HELB: variants seen among roughly 807,000 people sequenced by gnomAD.
The protein encoded by HELB is DNA 5'-3' helicase B.
Under a neutral mutation model 101.7 loss-of-function variants are expected in HELB, and 96 were observed. The ratio of observed to expected loss-of-function variants is 0.94; its 90% CI spans 0.80 to 1.12. HELB has a LOEUF of 1.12. Ranked by LOEUF, HELB falls within the 50% of genes most tolerant of loss-of-function variation. The probability of loss-of-function intolerance (pLI) is 0.00; values close to 1 mark genes in which losing one functional copy is unlikely to be tolerated. For missense variants in HELB, 1,210 were observed against 1,291.9 expected, an observed-to-expected ratio of 0.94 and a Z score of 0.97; for synonymous variants, 437 against 459.7, an observed-to-expected ratio of 0.95 and a Z score of 0.63.
chr12:66,310,829 G>A (rs1253748257), intron 4 of HELB, among the ~76,000 whole-genome samples: 1 of 152,128 alleles, frequency 6.6e-6, no homozygotes, highest in African/African-American at 2.4e-5. Context: ...TACTCGGGAG[G>A]CTGAGTCAGG....
intron 12 of HELB, among the ~76,000 whole-genome samples, chr12:66,337,780 C>A (rs572898583): frequency 6.6e-6 from 1 of 152,154 alleles, no homozygotes; most frequent in South Asian, 2.1e-4. Flanking sequence ...ATAGTTACTT[C>A]TAAATGCCAG....
At position 66,302,541 on chromosome 12, in the gene HELB, T is replaced by C. The variant is rs759690668; in HGVS notation, c.-63T>C. ...CCTTACAGTCGTAGAACTGATTGGC[T>C]GATCATGACCATGCAGTTAGCCAGG... On this transcript the variant is annotated 5_prime_UTR_variant, in exon 1 of 13. Transcript: ENST00000247815. The C allele has an allele frequency of 1.3e-5, 20 of 1,491,812 alleles. No individual in the cohort carries two copies. Among genetic ancestry groups the C allele is most frequent in the Non-Finnish European group, 1.8e-5 (19 of 1,081,894 alleles). The allele number at this position is 1,491,812 out of a possible 1,614,324, so 92.4% of individuals were successfully genotyped here.
At position 66,331,175 on chromosome 12, in the gene HELB, G is replaced by A; in HGVS notation, c.2692G>A (p.Val898Ile). 6.2e-7 allele frequency: 1 copy of A among 1,609,610 alleles called. No homozygotes were observed. The highest frequency in any genetic ancestry group is 8.5e-7 in the Non-Finnish European group (1 of 1,176,798). The change falls in exon 12 of 13, where the codon GTC becomes ATC. Residue 898 changes from valine to isoleucine, a missense_variant. Physicochemically the swap from Val to Ile is conservative, Grantham distance 29. Coordinates refer to ENST00000247815, the MANE Select transcript of HELB (RefSeq NM_001370285.1). ...TFQGSEEQTV[V>I]YVVGKAGRQH... ...CCAGGGGTCCGAGGAGCAAACAGTT[G>A]TCTATGTGGTGGGGAAGGCGGGCCG... is the stretch of plus-strand genomic sequence containing the variant.
rs574972143 is a variant in HELB at position 66,304,778 on chromosome 12, C to A, written c.235C>A (p.Arg79Ser). ...ACAAGAGACATGTAAAGTGTTTGGACGTTTTCCGATAACAGGTGCTTGGTG... is the reference window on the plus strand; with the variant it reads ...ACAAGAGACATGTAAAGTGTTTGGAAGTTTTCCGATAACAGGTGCTTGGTG... ...NTQETCKVFG[R>S]FPITGAWWRV... is the part of the protein sequence containing the mutation. The change falls in exon 2 of 13, where the codon CGT (arginine) becomes AGT (serine). Residue 79 changes from arginine to serine, a missense_variant. Arg to Ser is a moderately radical substitution (Grantham distance 110). Around this residue, in one of 2 missense-constraint regions of HELB, gnomAD observed 470 missense variants for 563.1 expected, o/e 0.83. Transcript: ENST00000247815. The A allele has an allele frequency of 3.7e-6, 6 of 1,613,738 alleles. No individual in the cohort carries two copies. Among genetic ancestry groups the A allele is most frequent in the East Asian group, 4.5e-5 (2 of 44,868 alleles).
Position 66,302,724 on chromosome 12 carries a change from T to C in HELB, c.121T>C (p.Phe41Leu). The stretch of plus-strand genomic sequence containing the variant: ...CGTGGAGGAGGATGAAGAGTCCGTG[T>C]TCATCGACGCCGAGGAGCTCTGCAG... ...DDVEEDEESV[F>L]IDAEELCSGG... The change falls in exon 1 of 13, where the codon TTC (phenylalanine) becomes CTC (leucine). Residue 41 changes from phenylalanine (F) to leucine (L), a missense_variant. By Grantham distance (22) the Phe-to-Leu change is conservative. This residue lies in a region of HELB where 470 missense variants were observed against 563.1 expected (regional missense o/e 0.83). Coordinates refer to ENST00000247815, the MANE Select transcript of HELB (RefSeq NM_001370285.1). 3 of 1,614,094 alleles carry C rather than the reference T, an allele frequency of 1.9e-6. No homozygotes were observed. The highest frequency in any genetic ancestry group is 2.5e-6 in the Non-Finnish European group (3 of 1,179,974).
At chr12:66,315,480 ACACCTT>A in intron 6 of HELB, 97 bp downstream of exon 6, 1 of 848,886 alleles carries the variant, frequency 1.2e-6, no homozygotes, top group Non-Finnish European at 1.6e-6. Context: ...TACATTAACT[ACACCTT>A]TTAGCAAAAC....
At chr12:66,306,051 G>C (rs1161088010) in intron 2 of HELB, among the ~76,000 whole-genome samples, 1 of 152,064 alleles carries the variant, frequency 6.6e-6, no homozygotes, top group Non-Finnish European at 1.5e-5. Flanking sequence ...TTATATAATT[G>C]AGTCAGAATT....
rs2053531387 is a variant in HELB, at chr12:66,310,533, G to A, written c.1605G>A (p.Leu535=). Residue 535 remains leucine (L), a synonymous_variant, in exon 4 of 13, where the codon TTG becomes TTA. Coordinates refer to ENST00000247815, the MANE Select transcript of HELB (RefSeq NM_001370285.1). ...QLEADKAIEV[L]LTAPTGKAAG... is the part of the protein sequence containing the mutation. ...AGGCGGACAAGGCTATAGAAGTTTT[G>A]CTCACAGCACCTACAGGGAAAGCAG... 1 of 1,614,098 alleles carries A rather than the reference G, an allele frequency of 6.2e-7. No individual in the cohort carries two copies. The highest frequency in any genetic ancestry group is 8.5e-7 in the Non-Finnish European group (1 of 1,180,040).
chr12:66,316,719 A>G (rs2053609834), intron 6 of HELB, among the ~76,000 whole-genome samples: 1 of 151,946 alleles, frequency 6.6e-6, no homozygotes. Context: ...CCCCATCTCT[A>G]TTAAAAATAC....
At position 66,331,420 on chromosome 12, in the gene HELB, C is replaced by T. The variant is rs766944129; in HGVS notation, c.2937C>T (p.Ser979=). Residue 979 remains serine (S), a synonymous_variant, in exon 12 of 13, where the codon AGC becomes AGT. Transcript: ENST00000247815. ...GCTCTGGAGACAGTGGAGGACCCAG[C>T]ACACCGTCAGCATCTCCACTCCCTG... ...RKSSGDSGGP[S]TPSASPLPVV... 1.9e-6 allele frequency: 3 copies of T among 1,614,216 alleles called. No individual in the cohort carries two copies. The African/African-American group carries it at 4.0e-5, about 22-fold the overall frequency.
rs58589183 is a variant in HELB, at chr12:66,314,028, A to G, written c.1723A>G (p.Thr575Ala). The G allele has an allele frequency of 1.2e-3, 1,901 of 1,613,932 alleles. 16 individuals carry two copies. In the African/African-American group the frequency reaches 0.022, roughly 19 times the overall value. Residue 575 changes from threonine to alanine, a missense_variant, in exon 5 of 13, where the codon ACA (threonine) becomes GCA (alanine). Coordinates refer to ENST00000247815, the MANE Select transcript of HELB (RefSeq NM_001370285.1). ...TTCATGGACTCAAACAATGATGACC[A>G]CAAACAAACCATGGAAATTTTCTTC... ...FYSWTQTMMT[T>A]NKPWKFSSVR... is the part of the protein sequence containing the mutation.
At chr12:66,326,868 A>G (rs2053744905) in intron 11 of HELB, among the ~76,000 whole-genome samples, 1 of 150,082 alleles carries the variant, frequency 6.7e-6, no homozygotes, top group Non-Finnish European at 1.5e-5. Context: ...CCCCATCTCT[A>G]CTAAAAAATA....
rs2053720844 is a variant in HELB, at chr12:66,325,101, G to A, written c.2645G>A (p.Trp882Ter). Residue 882 changes from tryptophan (W) to a stop codon, truncating the protein, a stop_gained, in exon 11 of 13, where the codon TGG becomes TAG. Transcript: ENST00000247815. LOFTEE classifies it high-confidence loss of function. The stretch of plus-strand genomic sequence containing the variant: ...AAATATTGTCGCATAAAACATGCAT[G>A]GGCAAGAACTATTCACACTTTTCAG... ...LMKYCRIKHA[W>*]ARTIHTFQGS... 1 of 1,611,010 alleles carries A rather than the reference G, an allele frequency of 6.2e-7. No homozygotes were observed. Among genetic ancestry groups the A allele is most frequent in the African/African-American group, 1.3e-5 (1 of 74,838 alleles).
intron 7 of HELB, among the ~76,000 whole-genome samples, chr12:66,319,971 A>G (rs1213571772): frequency 1.3e-5 from 2 of 151,376 alleles, no homozygotes; most frequent in South Asian, 4.2e-4. Flanking sequence ...ATACAATACA[A>G]TAGATAAAGC....
chr12:66,334,178 C>T (rs1295103686), intron 12 of HELB, among the ~76,000 whole-genome samples: 2 of 148,170 alleles, frequency 1.3e-5, no homozygotes, highest in East Asian at 4.1e-4. Context: ...AACCACAATC[C>T]CTGCTGGGTG....
rs1298623418 is a variant in HELB at position 66,331,443 on chromosome 12, C to G, written c.2960C>G (p.Pro987Arg). 6.2e-7 allele frequency: 1 copy of G among 1,614,244 alleles called. No homozygotes were observed. The highest frequency in any genetic ancestry group is 1.7e-5 in the Admixed American group (1 of 60,032). ...GPSTPSASPL[P>R]VVTDHAMTND... Reference sequence around the variant, plus strand: ...AGCACACCGTCAGCATCTCCACTCCCTGTAGTCACAGACCACGCCATGACA... The same window carrying G: ...AGCACACCGTCAGCATCTCCACTCCGTGTAGTCACAGACCACGCCATGACA... The change falls in exon 12 of 13, where the codon CCT (proline) becomes CGT (arginine). Residue 987 changes from proline (P) to arginine (R), a missense_variant. Pro to Arg is a moderately radical substitution (Grantham distance 103). Around this residue, in one of 2 missense-constraint regions of HELB, gnomAD observed 740 missense variants for 728.8 expected, o/e 1.02. Transcript: ENST00000247815.
chr12:66,313,986 G>A lies in HELB; in HGVS notation c.1681G>A (p.Val561Ile), dbSNP rs1379150365. 2 of 1,613,154 alleles carry A rather than the reference G, an allele frequency of 1.2e-6. No homozygotes were observed. The highest frequency in any genetic ancestry group is 1.7e-6 in the Non-Finnish European group (2 of 1,179,436). The part of the protein sequence containing the change: ...TGLHAYTLCQ[V>I]NYSFYSWTQT... ...TAGGAATGCCATACTTTGCTTGTAG[G>A]TCAATTATAGCTTCTATTCATGGAC... The change falls in exon 5 of 13, where the codon GTC becomes ATC. Residue 561 changes from valine (V) to isoleucine (I), a missense_variant and splice_region_variant. Physicochemically the swap from Val to Ile is conservative, Grantham distance 29 (BLOSUM62 3). Transcript: ENST00000247815.
chr12:66,304,157 G>A (rs764617815), intron 1 of HELB, among the ~76,000 whole-genome samples: 6 of 152,178 alleles, frequency 3.9e-5, no homozygotes, highest in Non-Finnish European at 8.8e-5. Flanking sequence ...TCTTAATGAA[G>A]CTTACCCTCT....
rs768513117 is a variant in HELB at position 66,331,225 on chromosome 12, C to T, written c.2742C>T (p.Thr914=). 3.0e-5 allele frequency: 48 copies of T among 1,613,988 alleles called. No homozygotes were observed. Among genetic ancestry groups the T allele is most frequent in the South Asian group, 7.7e-5 (7 of 91,082 alleles). Residue 914 remains threonine, a synonymous_variant, in exon 12 of 13, where the codon ACC becomes ACT. Transcript: ENST00000247815. ...GCCAGCACTGGCAGCATGTCTACAC[C>T]GCCGTGACCAGGGGCCGCTGCCGAG... The part of the protein sequence containing the change: ...AGRQHWQHVY[T]AVTRGRCRVY...
Sources: gnomAD v4.1 joint callset for allele counts (sites outside exome capture counted in the v4.1 genomes callset) on GRCh38, gnomAD v4.1.1 for gene constraint, gnomAD v4.1.1 regional missense constraint, MANE v1.5 for transcripts, NCBI Gene and HGNC (gene_info 2026-07-23, HGNC 2026-07-21) for gene names.